Variants in CTNND2 observed in about 807,000 individuals in gnomAD.
CTNND2 encodes catenin delta 2.
Under a neutral mutation model 144.4 loss-of-function variants are expected in CTNND2, and 22 were observed. The observed-to-expected ratio is 0.15, with a 90% CI of 0.11 to 0.22. The LOEUF is 0.22. CTNND2 is among the 10% of genes least tolerant of loss of function. The pLI is 1.00. For synonymous variants in CTNND2, 751 were observed against 695.6 expected (o/e 1.08, Z -1.25); for missense variants, 1,353 against 1,618.8 (o/e 0.84, Z 2.82).
At chr5:11,741,086 G>A (rs946014016) in intron 1 of CTNND2, among the ~76,000 whole-genome samples, 3 of 152,212 alleles carry the variant, frequency 2.0e-5, no homozygotes, top group Non-Finnish European at 4.4e-5. Context: ...TGGAGAGGAT[G>A]TGGAGAAATA....
chr5:11,840,690 T>TA (rs903027658), intron 1 of CTNND2, among the ~76,000 whole-genome samples: 1 of 152,098 alleles, frequency 6.6e-6, no homozygotes, highest in Non-Finnish European at 1.5e-5. Context: ...TAGAGTAAAA[T>TA]AAAGTCTCCA....
intron 1 of CTNND2, among the ~76,000 whole-genome samples, chr5:11,742,283 T>A (rs1445647171): frequency 6.6e-6 from 1 of 152,122 alleles, no homozygotes; most frequent in Non-Finnish European, 1.5e-5. Flanking sequence ...GAAGGTCCCT[T>A]TTTATCTTTT....
At chr5:11,543,543 C>T (rs1209732263) in intron 3 of CTNND2, among the ~76,000 whole-genome samples, 1 of 152,022 alleles carries the variant, frequency 6.6e-6, no homozygotes. Context: ...CTGTTAAAAG[C>T]CGTAAGTACA....
At chr5:11,414,889 T>G (rs1455447007) in intron 3 of CTNND2, among the ~76,000 whole-genome samples, 1 of 152,198 alleles carries the variant, frequency 6.6e-6, no homozygotes, top group Non-Finnish European at 1.5e-5. Flanking sequence ...CTAAGGATAA[T>G]GGCCTCCAGC....
chr5:11,778,536 T>C (rs1370292116), intron 1 of CTNND2, among the ~76,000 whole-genome samples: 2 of 152,126 alleles, frequency 1.3e-5, no homozygotes. Flanking sequence ...ATAATCTCAA[T>C]TGAATCATGT....
chr5:11,618,594 T>C (rs1780687831), intron 2 of CTNND2, among the ~76,000 whole-genome samples: 2 of 152,230 alleles, frequency 1.3e-5, no homozygotes, highest in Admixed American at 1.3e-4. Context: ...ATAATAAATG[T>C]AATTTGGTAA....
chr5:11,159,296 G>A (rs1758529815), intron 12 of CTNND2, among the ~76,000 whole-genome samples: 1 of 152,110 alleles, frequency 6.6e-6, no homozygotes, highest in Non-Finnish European at 1.5e-5. Flanking sequence ...CAAAGAAAAT[G>A]ACTTATTTTG....
At chr5:11,604,024 G>A (rs114761304) in intron 2 of CTNND2, among the ~76,000 whole-genome samples, 2,391 of 152,164 alleles carry the variant, frequency 0.016, 59 homozygotes, top group African/African-American at 0.056. Context: ...ATTAATAAGC[G>A]TATAATATTA....
At chr5:11,265,337 A>G (rs948461068) in intron 9 of CTNND2, among the ~76,000 whole-genome samples, 2 of 152,154 alleles carry the variant, frequency 1.3e-5, no homozygotes, top group African/African-American at 4.8e-5. Flanking sequence ...GTACATCTCA[A>G]AGTTTCTGGT....
chr5:11,531,601 G>A (rs1773750608), intron 3 of CTNND2, among the ~76,000 whole-genome samples: 1 of 152,128 alleles, frequency 6.6e-6, no homozygotes, highest in South Asian at 2.1e-4. Flanking sequence ...ACTCCAGCCT[G>A]GAGGACAGAG....
At position 11,729,484 on chromosome 5, in the gene CTNND2, T is replaced by C. The variant is rs139306605; in HGVS notation, c.174+2652A>G. On this transcript the variant is annotated intron_variant, in intron 2 of 21. Coordinates refer to ENST00000304623, the MANE Select transcript of CTNND2 (RefSeq NM_001332.4). ...GATAATACCATACTATGTAATTTCC[T>C]TTCTAAAATTCTCATGGATTTTTTC... is the stretch of plus-strand genomic sequence containing the variant. Among the ~76,000 whole-genome samples, 621 of 152,324 alleles carry C rather than the reference T, an allele frequency of 4.1e-3. 3 individuals carry two copies. The highest frequency in any genetic ancestry group is 0.013 in the African/African-American group (557 of 41,582).
chr5:11,521,215 T>C (rs1317960045), intron 3 of CTNND2, among the ~76,000 whole-genome samples: 1 of 152,214 alleles, frequency 6.6e-6, no homozygotes, highest in Non-Finnish European at 1.5e-5. Flanking sequence ...TTTTACCTTT[T>C]AATAGCACCT....
chr5:11,048,454 C>G (rs1020683673), intron 16 of CTNND2, among the ~76,000 whole-genome samples: 4 of 152,170 alleles, frequency 2.6e-5, no homozygotes, highest in Admixed American at 2.6e-4. Flanking sequence ...ATTTAGTTGC[C>G]TGGGAAACAG....
chr5:11,771,075 G>A (rs756089702), intron 1 of CTNND2, among the ~76,000 whole-genome samples: 1 of 151,728 alleles, frequency 6.6e-6, no homozygotes, highest in Non-Finnish European at 1.5e-5. Context: ...ATAAAATCAC[G>A]ATATACATAT....
At chr5:11,293,241 CTCCTGATACATT>C (rs1379944668) in intron 9 of CTNND2, among the ~76,000 whole-genome samples, 2 of 152,176 alleles carry the variant, frequency 1.3e-5, no homozygotes, top group Non-Finnish European at 2.9e-5. Flanking sequence ...CTCCAGGCCT[CTCCTGATACATT>C]TCCAAGCAGG....
intron 3 of CTNND2, among the ~76,000 whole-genome samples, chr5:11,564,652 A>G: frequency 6.6e-6 from 1 of 151,806 alleles, no homozygotes; most frequent in East Asian, 1.9e-4. Context: ...GGAGACTGTG[A>G]CTTGGCATCT....
At chr5:11,885,579 T>C (rs1008766145) in intron 1 of CTNND2, among the ~76,000 whole-genome samples, 1 of 152,156 alleles carries the variant, frequency 6.6e-6, no homozygotes. Flanking sequence ...AAAGGAGATA[T>C]AGGCTGCAGT....
intron 17 of CTNND2, among the ~76,000 whole-genome samples, chr5:11,020,623 T>C (rs944467702): frequency 2.0e-5 from 3 of 152,194 alleles, no homozygotes; most frequent in Non-Finnish European, 4.4e-5. Context: ...TCTCCTGAAT[T>C]CATTTTGTTT....
intron 3 of CTNND2, among the ~76,000 whole-genome samples, chr5:11,481,964 C>T (rs1448942233): frequency 6.6e-6 from 1 of 152,134 alleles, no homozygotes; most frequent in East Asian, 1.9e-4. Flanking sequence ...TTTGCACAAT[C>T]TTTTGCAAAG....
Sources: allele counts gnomAD v4.1 joint callset (sites outside exome capture counted in the v4.1 genomes callset), GRCh38; gene constraint gnomAD v4.1.1; transcripts MANE v1.5; gene names NCBI Gene and HGNC (gene_info 2026-07-23, HGNC 2026-07-21).